MYO16: variants seen among roughly 807,000 people sequenced by gnomAD.
MYO16 encodes the protein unconventional myosin-XVI.
In MYO16, 94 loss-of-function variants were observed where a neutral mutation model predicts 205.3. The ratio of observed to expected loss-of-function variants is 0.46; its 90% confidence interval spans 0.39 to 0.54. The LOEUF is 0.54. Ranked by LOEUF, MYO16 falls within the 20% of genes least tolerant of loss-of-function variation. The pLI is 0.00. For synonymous variants in MYO16, 988 were observed against 954.0 expected (o/e 1.04, Z -0.66); for missense variants, 2,315 against 2,387.5 (o/e 0.97, Z 0.63).
chr13:109,127,453 C>T lies in MYO16; in HGVS notation c.3954C>T (p.Pro1318=). ...SSSLPSPRKQ[P]PPKPKRDPNT... ...GCCTCCCGTCTCCACGGAAACAGCC[C>T]CCGCCCAAGCCAAAGAGGGACCCCA... The change falls in exon 31 of 35, where the codon CCC becomes CCT. Residue 1318 remains proline (P), a synonymous_variant. Coordinates refer to ENST00000457511, the MANE Select transcript of MYO16 (RefSeq NM_001198950.3). The surrounding 1 kb of genome is among the most constrained non-coding windows in gnomAD (Gnocchi z 4.2). 8 of 1,614,050 alleles carry T rather than the reference C, an allele frequency of 5.0e-6. No homozygotes were observed. The highest frequency in any genetic ancestry group is 6.8e-6 in the Non-Finnish European group (8 of 1,180,018).
At chr13:108,778,841 G>A (rs987635297) in intron 4 of MYO16, among the ~76,000 whole-genome samples, 1 of 152,138 alleles carries the variant, frequency 6.6e-6, no homozygotes, top group Admixed American at 6.5e-5. Context: ...TTCTTCCAAG[G>A]CTGGCATAGA....
chr13:108,681,683 G>C (rs1263196627), intron 2 of MYO16, among the ~76,000 whole-genome samples: 1 of 152,038 alleles, frequency 6.6e-6, no homozygotes, highest in Non-Finnish European at 1.5e-5. Flanking sequence ...CTATGGGGGT[G>C]GGGGTGGTAA....
chr13:108,718,683 C>T (rs1594237794), intron 3 of MYO16, among the ~76,000 whole-genome samples: 1 of 152,074 alleles, frequency 6.6e-6, no homozygotes, highest in Non-Finnish European at 1.5e-5. Context: ...GAACAAGAGA[C>T]TCTTCACATA....
intron 1 of MYO16, among the ~76,000 whole-genome samples, chr13:108,633,916 T>C (rs1443221229): frequency 6.6e-6 from 1 of 152,144 alleles, no homozygotes; most frequent in Non-Finnish European, 1.5e-5. Flanking sequence ...TATCCTGCTC[T>C]CCGCCTGGTC....
rs113499407 is a variant in MYO16 at position 108,965,098 on chromosome 13, A to G, written c.2369+196A>G. 1.9e-3 allele frequency among the ~76,000 whole-genome samples: 291 copies of G among 152,274 alleles called. 2 individuals carry two copies. The highest frequency in any genetic ancestry group is 6.8e-3 in the African/African-American group (282 of 41,552). On this transcript the variant is annotated intron_variant, in intron 20 of 34. Transcript: ENST00000457511. Reference sequence around the variant, plus strand: ...GGAAGTGAAACCCTCTCCCTGGGGTACCCTCCCGTTTACACTGATGAATTA... The same window carrying G: ...GGAAGTGAAACCCTCTCCCTGGGGTGCCCTCCCGTTTACACTGATGAATTA...
At chr13:108,914,745 C>T (rs538282961) in intron 16 of MYO16, among the ~76,000 whole-genome samples, 13 of 152,208 alleles carry the variant, frequency 8.5e-5, no homozygotes, top group African/African-American at 2.9e-4. Context: ...CTGGCTCAAG[C>T]GATTCTCCTG....
intron 1 of MYO16, among the ~76,000 whole-genome samples, chr13:108,637,403 A>G (rs1283050701): frequency 1.3e-5 from 2 of 152,252 alleles, no homozygotes; most frequent in Non-Finnish European, 2.9e-5. Context: ...TCAGTATCAC[A>G]TTAAAGATAT....
At chr13:108,792,986 A>G (rs1396667725) in intron 5 of MYO16, among the ~76,000 whole-genome samples, 1 of 152,204 alleles carries the variant, frequency 6.6e-6, no homozygotes, top group Admixed American at 6.5e-5. Context: ...ATTAATTGAA[A>G]ACCTGCCATT....
chr13:108,626,500 G>A (rs1232505450), upstream of MYO16, among the ~76,000 whole-genome samples: 1 of 152,080 alleles, frequency 6.6e-6, no homozygotes, highest in Non-Finnish European at 1.5e-5. Context: ...CATCAACTCT[G>A]ATACCATATT....
chr13:108,945,586 A>T (rs1205566055), intron 16 of MYO16, among the ~76,000 whole-genome samples: 2 of 152,194 alleles, frequency 1.3e-5, no homozygotes, highest in Admixed American at 1.3e-4. Context: ...AGGATTAATT[A>T]TAATTAACTA....
At chr13:108,847,473 T>G (rs1301159392) in intron 10 of MYO16, among the ~76,000 whole-genome samples, 1 of 152,214 alleles carries the variant, frequency 6.6e-6, no homozygotes, top group Non-Finnish European at 1.5e-5. Context: ...GTGGATTATA[T>G]ATTCACATTT....
At chr13:109,006,671 A>G (rs1449195677) in intron 21 of MYO16, among the ~76,000 whole-genome samples, 3 of 152,190 alleles carry the variant, frequency 2.0e-5, no homozygotes, top group Non-Finnish European at 4.4e-5. Flanking sequence ...TGTTTTATCA[A>G]TTGTTTCCAG....
At chr13:109,161,563 C>T (rs143849728) in intron 32 of MYO16, among the ~76,000 whole-genome samples, 32 of 152,306 alleles carry the variant, frequency 2.1e-4, no homozygotes, top group Non-Finnish European at 3.2e-4. Context: ...ACCTAATATA[C>T]ACCTGGGTGA....
rs538664413 is a variant in MYO16, at chr13:109,033,853, G to A, written c.2797-13063G>A. ...AGAATTGGGCTATGAAAAGTGGGCT[G>A]CAAGACAAAAATGGAATCAGGGAGG... On this transcript the variant is annotated intron_variant, in intron 23 of 34. Coordinates refer to ENST00000457511, the MANE Select transcript of MYO16 (RefSeq NM_001198950.3). 2.6e-5 allele frequency among the ~76,000 whole-genome samples: 4 copies of A among 152,254 alleles called. No individual in the cohort carries two copies. The South Asian group carries it at 8.3e-4, about 32-fold the overall frequency.
intron 20 of MYO16, among the ~76,000 whole-genome samples, chr13:108,972,632 G>GT: frequency 6.6e-6 from 1 of 151,252 alleles, no homozygotes; most frequent in East Asian, 2.0e-4. Context: ...TAGGGGCATT[G>GT]TTTTTTAGTG....
chr13:109,078,543 A>T (rs1323899156), intron 27 of MYO16, among the ~76,000 whole-genome samples: 1 of 152,098 alleles, frequency 6.6e-6, no homozygotes, highest in East Asian at 1.9e-4. Flanking sequence ...TAATTGATTA[A>T]TTTTTGTCTT....
chr13:109,019,573 T>C (rs1885949278), intron 22 of MYO16, 138 bp from the exon 23 acceptor site: 2 of 654,138 alleles, frequency 3.1e-6, no homozygotes, highest in African/African-American at 1.8e-5. Context: ...AATAGAAATA[T>C]ATTAAGGTAA....
chr13:108,571,010 A>G, the MYO16 span, among the ~76,000 whole-genome samples: 1 of 152,212 alleles, frequency 6.6e-6, no homozygotes, highest in Non-Finnish European at 1.5e-5. Flanking sequence ...ACAGGTTATT[A>G]TAATTTTGGG....
chr13:108,611,193 G>A (rs941957898), intron 1 of MYO16, among the ~76,000 whole-genome samples: 11 of 152,036 alleles, frequency 7.2e-5, no homozygotes, highest in Non-Finnish European at 1.6e-4. Context: ...AATATAAAGA[G>A]ACAATGGCAT....
Sources: allele counts gnomAD v4.1 joint callset (sites outside exome capture counted in the v4.1 genomes callset), GRCh38; gene constraint gnomAD v4.1.1; non-coding constraint Gnocchi (gnomAD v3.1); transcripts MANE v1.5; gene names NCBI Gene and HGNC (gene_info 2026-07-23, HGNC 2026-07-21).